Variants in SLC36A4 observed in about 807,000 individuals in gnomAD.
SLC36A4 encodes the protein neutral amino acid uniporter 4.
A neutral mutation model predicts 50.5 loss-of-function variants in SLC36A4; 49 were observed. That is an observed-to-expected ratio of 0.97 (90% CI 0.77 to 1.23). SLC36A4 has a LOEUF of 1.23. SLC36A4 is among the 50% of genes most tolerant of loss of function. The pLI, the probability that SLC36A4 is intolerant of heterozygous loss-of-function variation, is 0.00. For synonymous variants in SLC36A4, 207 were observed against 206.5 expected (o/e 1.00, Z -0.02); for missense variants, 611 against 608.4 (o/e 1.00, Z -0.05).
intron 10 of SLC36A4, among the ~76,000 whole-genome samples, chr11:93,153,484 G>A (rs147470056): frequency 1.9e-3 from 283 of 152,118 alleles, no homozygotes; most frequent in Non-Finnish European, 3.4e-3. Context: ...AGACACCACC[G>A]AGTAAGTGAT....
rs530456445 is a variant in SLC36A4, at chr11:93,157,141, A to C, written c.1038-2864T>G. 1.3e-3 allele frequency among the ~76,000 whole-genome samples: 191 copies of C among 152,234 alleles called. 1 individual carries two copies. The highest frequency in any genetic ancestry group is 4.3e-3 in the African/African-American group (178 of 41,546). ...CTTGTTTTTGTCAGGTTTTTCAAAGATCAAATAGTTGCAGGTGTGTGGCCT... is the reference window on the plus strand; with the variant it reads ...CTTGTTTTTGTCAGGTTTTTCAAAGCTCAAATAGTTGCAGGTGTGTGGCCT... On this transcript the variant is annotated intron_variant, in intron 9 of 10. Coordinates refer to ENST00000326402, the MANE Select transcript of SLC36A4 (RefSeq NM_152313.4).
chr11:93,150,396 C>G (rs1368771736), intron 10 of SLC36A4, among the ~76,000 whole-genome samples: 3 of 151,882 alleles, frequency 2.0e-5, no homozygotes, highest in Non-Finnish European at 4.4e-5. Flanking sequence ...TCTATTCTTT[C>G]TGTGGCTTTC....
At chr11:93,196,128 C>A (rs568280154) in intron 1 of SLC36A4, among the ~76,000 whole-genome samples, 1 of 152,220 alleles carries the variant, frequency 6.6e-6, no homozygotes, top group African/African-American at 2.4e-5. Context: ...CTTAAAAAAA[C>A]TGAAATAATT....
At chr11:93,152,261 A>G (rs1196782816) in intron 10 of SLC36A4, 3 of 152,158 alleles carry the variant, frequency 2.0e-5, no homozygotes, top group Admixed American at 1.3e-4. Context: ...CAAACATGAC[A>G]AAGTCCCATC....
chr11:93,176,429 G>C (rs1246381616), intron 6 of SLC36A4, among the ~76,000 whole-genome samples: 5 of 152,110 alleles, frequency 3.3e-5, no homozygotes. Flanking sequence ...CTTTTAATTG[G>C]AGAATTTAGT....
At chr11:93,158,409 T>C (rs1410614994) in intron 9 of SLC36A4, among the ~76,000 whole-genome samples, 10 of 152,132 alleles carry the variant, frequency 6.6e-5, no homozygotes, top group South Asian at 2.1e-4. Context: ...TACTTTTTTA[T>C]TGACAAAGTC....
At chr11:93,162,619 C>A in intron 9 of SLC36A4, 87 bp downstream of exon 9, 2 of 1,175,906 alleles carry the variant, frequency 1.7e-6, no homozygotes, top group South Asian at 3.3e-5. Flanking sequence ...ATGTTTAAAC[C>A]ATAAATCCAA....
intron 6 of SLC36A4, among the ~76,000 whole-genome samples, chr11:93,179,852 T>G (rs1861657947): frequency 6.6e-6 from 1 of 152,172 alleles, no homozygotes; most frequent in African/African-American, 2.4e-5. Context: ...CTGAACTCAG[T>G]AGTTACAACA....
chr11:93,159,898 T>C, intron 9 of SLC36A4: 1 of 985,382 alleles, frequency 1.0e-6, no homozygotes, highest in Non-Finnish European at 1.2e-6. Context: ...CCAAAAGCCC[T>C]TTACAGCTTT....
At chr11:93,166,111 C>A in intron 7 of SLC36A4, 95 bp from the exon 8 acceptor site, 1 of 1,274,450 alleles carries the variant, frequency 7.8e-7, no homozygotes, top group South Asian at 1.7e-5. Context: ...TTGAGCTTCA[C>A]AACAGCAAAT....
intron 9 of SLC36A4, among the ~76,000 whole-genome samples, chr11:93,157,115 GC>G (rs1261600380): frequency 2.4e-4 from 37 of 152,112 alleles, no homozygotes; most frequent in Non-Finnish European, 4.4e-4. Context: ...TTTCCCCATT[GC>G]TTGTTTTTGT....
At chr11:93,172,526 A>G (rs577484236) in intron 6 of SLC36A4, among the ~76,000 whole-genome samples, 1 of 150,790 alleles carries the variant, frequency 6.6e-6, no homozygotes, top group Non-Finnish European at 1.5e-5. Flanking sequence ...TACATGTGCC[A>G]TGCTGGTGCG....
chr11:93,178,359 G>A (rs1028169087), intron 6 of SLC36A4, among the ~76,000 whole-genome samples: 1 of 152,106 alleles, frequency 6.6e-6, no homozygotes, highest in Non-Finnish European at 1.5e-5. Context: ...GTGAGATGAT[G>A]CCCTGCCCTG....
At chr11:93,192,670 A>G (rs184575382) in intron 1 of SLC36A4, among the ~76,000 whole-genome samples, 5 of 152,314 alleles carry the variant, frequency 3.3e-5, no homozygotes, top group Admixed American at 3.3e-4. Context: ...TCTATTTTTC[A>G]TACTAAGTCT....
At chr11:93,183,204 A>G (rs1861813270) in intron 3 of SLC36A4, among the ~76,000 whole-genome samples, 1 of 152,184 alleles carries the variant, frequency 6.6e-6, no homozygotes, top group Admixed American at 6.5e-5. Context: ...ACTATCAGTG[A>G]CCCACCATTA....
intron 6 of SLC36A4, among the ~76,000 whole-genome samples, chr11:93,175,320 T>C (rs1229460853): frequency 6.6e-6 from 1 of 151,490 alleles, no homozygotes; most frequent in African/African-American, 2.4e-5. Context: ...TTATTGCGTC[T>C]ATTTGATTCT....
chr11:93,197,863 G>C lies in SLC36A4; in HGVS notation c.-31C>G. 1 of 1,529,950 alleles carries C rather than the reference G, an allele frequency of 6.5e-7. No individual in the cohort carries two copies. Among genetic ancestry groups the C allele is most frequent in the South Asian group, 1.2e-5 (1 of 83,566 alleles). 94.8% of individuals were successfully genotyped at this position (1,529,950 alleles called of 1,614,324 possible). ...GCGGGTCTCCAGGACGCCGCCGCCCGAGTGCTCACTCTCCCGCCGCTGCGT... is the reference window on the plus strand; with the variant it reads ...GCGGGTCTCCAGGACGCCGCCGCCCCAGTGCTCACTCTCCCGCCGCTGCGT... On this transcript the variant is annotated 5_prime_UTR_variant, in exon 1 of 11. Transcript: ENST00000326402.
In SLC36A4 at chr11:93,182,910, A is replaced by T; in HGVS notation, c.271-16T>A. The T allele has an allele frequency of 3.2e-6, 5 of 1,569,814 alleles. No individual in the cohort carries two copies. The highest frequency in any genetic ancestry group is 4.4e-6 in the Non-Finnish European group (5 of 1,147,858). On this transcript the variant is annotated splice_polypyrimidine_tract_variant and intron_variant, in intron 3 of 10. Coordinates refer to ENST00000326402, the MANE Select transcript of SLC36A4 (RefSeq NM_152313.4). Reference sequence around the variant, plus strand: ...TTGGTCCAAGCTGTGGGGAAAAAAAATTTATAAGGTTTAAATATTTAACAG... The same window carrying T: ...TTGGTCCAAGCTGTGGGGAAAAAAATTTTATAAGGTTTAAATATTTAACAG...
chr11:93,191,433 T>C (rs1795273554), intron 1 of SLC36A4, among the ~76,000 whole-genome samples: 1 of 152,178 alleles, frequency 6.6e-6, no homozygotes, highest in Admixed American at 6.5e-5. Context: ...CTGGAAAGCT[T>C]GATAAGTTTT....
Sources: gnomAD v4.1 joint callset for allele counts (sites outside exome capture counted in the v4.1 genomes callset) on GRCh38, gnomAD v4.1.1 for gene constraint, MANE v1.5 for transcripts, NCBI Gene and HGNC (gene_info 2026-07-23, HGNC 2026-07-21) for gene names.